STK32B: variants seen among roughly 807,000 people sequenced by gnomAD.
The protein encoded by STK32B is serine/threonine kinase 32B.
Under a neutral mutation model 52.6 loss-of-function variants are expected in STK32B, and 43 were observed. That is an observed-to-expected ratio of 0.82 (90% confidence interval 0.64 to 1.05). The LOEUF (loss-of-function observed/expected upper bound fraction) is 1.05. Ranked by LOEUF, STK32B falls within the 50% of genes least tolerant of loss-of-function variation. The pLI is 0.00. For missense variants in STK32B, 621 were observed against 534.6 expected, an observed-to-expected ratio of 1.16 and a Z score of -1.59; for synonymous variants, 238 against 204.3, an observed-to-expected ratio of 1.17 and a Z score of -1.41.
chr4:5,414,564 G>C (rs1376955569), intron 5 of STK32B, among the ~76,000 whole-genome samples: 1 of 152,182 alleles, frequency 6.6e-6, no homozygotes, highest in Non-Finnish European at 1.5e-5. Flanking sequence ...GGGGAGCACT[G>C]TGGGTATATA....
At chr4:5,195,771 C>T (rs1480061957) in intron 3 of STK32B, among the ~76,000 whole-genome samples, 2 of 152,200 alleles carry the variant, frequency 1.3e-5, no homozygotes, top group Non-Finnish European at 2.9e-5. Context: ...GAAGGCTTAA[C>T]AACATCACAG....
At chr4:5,110,596 A>T (rs1460017859) in intron 1 of STK32B, among the ~76,000 whole-genome samples, 7 of 152,170 alleles carry the variant, frequency 4.6e-5, no homozygotes, top group African/African-American at 1.7e-4. Context: ...CTTACCATAT[A>T]CAAAAGTTAA....
chr4:5,323,748 T>C (rs1052366795), intron 3 of STK32B, among the ~76,000 whole-genome samples: 1 of 152,176 alleles, frequency 6.6e-6, no homozygotes, highest in African/African-American at 2.4e-5. Context: ...TGCTCCTGGC[T>C]ATGTGCTAAA....
chr4:5,068,549 TGTG>T (rs976535319), intron 1 of STK32B, among the ~76,000 whole-genome samples: 2 of 152,132 alleles, frequency 1.3e-5, no homozygotes, highest in Non-Finnish European at 2.9e-5. Flanking sequence ...GTGACATAAT[TGTG>T]GTGCTTGGTC....
chr4:5,184,094 A>G (rs1290294049), intron 3 of STK32B, among the ~76,000 whole-genome samples: 1 of 152,206 alleles, frequency 6.6e-6, no homozygotes, highest in African/African-American at 2.4e-5. Context: ...GAACTTGGCT[A>G]ACTGCTCGGC....
chr4:5,056,755 T>C (rs1035316260), intron 1 of STK32B, among the ~76,000 whole-genome samples: 3 of 152,232 alleles, frequency 2.0e-5, no homozygotes, highest in African/African-American at 7.2e-5. Flanking sequence ...GAGGCTCTAA[T>C]TGGCTGGACT....
At chr4:5,021,818 C>T in the STK32B span, among the ~76,000 whole-genome samples, 1 of 152,138 alleles carries the variant, frequency 6.6e-6, no homozygotes, top group African/African-American at 2.4e-5. Flanking sequence ...GTGGCTGTAG[C>T]CATAAGCTGT....
In STK32B at chr4:5,469,441, C is replaced by T. The variant is rs115318309; in HGVS notation, c.1106+1371C>T. On this transcript the variant is annotated intron_variant, in intron 11 of 11. Transcript: ENST00000282908. This position sits in a 1 kb window ranked among gnomAD's most constrained non-coding sequence, Gnocchi z 4.7. ...GTCCTAAGGGACATGTAGGGGAAAA[C>T]GCGGCATTCCAGGAGTAGGAAAAGT... Among the ~76,000 whole-genome samples, 10 of 152,122 alleles carry T rather than the reference C, an allele frequency of 6.6e-5. No homozygotes were observed. The East Asian group carries it at 7.7e-4, about 12-fold the overall frequency.
intron 4 of STK32B, among the ~76,000 whole-genome samples, chr4:5,382,753 C>G (rs553301681): frequency 1.2e-4 from 19 of 152,322 alleles, no homozygotes; most frequent in Non-Finnish European, 2.5e-4. Flanking sequence ...TAAGCTTTCA[C>G]CATATGCCAA....
Position 5,467,904 on chromosome 4 carries a change from G to A in STK32B, c.1042-102G>A, listed in dbSNP as rs1717566768. On this transcript the variant is annotated intron_variant, in intron 10 of 11. Transcript: ENST00000282908. The surrounding 1 kb of genome is among the most constrained non-coding windows in gnomAD (Gnocchi z 5.8). ...TGGCTTGTCCCGGTCCCAAGCATCTGAGGTTTCCATCTAGGTCAGTCTGCC... is the reference window on the plus strand; with the variant it reads ...TGGCTTGTCCCGGTCCCAAGCATCTAAGGTTTCCATCTAGGTCAGTCTGCC... 1 of 1,327,888 alleles carries A rather than the reference G, an allele frequency of 7.5e-7. No individual in the cohort carries two copies. The highest frequency in any genetic ancestry group is 1.1e-6 in the Non-Finnish European group (1 of 928,882). 82.3% of individuals were successfully genotyped at this position (1,327,888 alleles called of 1,614,324 possible).
chr4:5,074,037 A>G lies in STK32B; in HGVS notation c.52+22122A>G, dbSNP rs1227580624. The stretch of plus-strand genomic sequence containing the variant: ...AAGACTTTCAGCCAATATTTTTTCT[A>G]TTTTCTACCACATTCTCTCTCTCCT... On this transcript the variant is annotated intron_variant, in intron 1 of 11. Coordinates refer to ENST00000282908, the MANE Select transcript of STK32B (RefSeq NM_018401.3). Among the ~76,000 whole-genome samples the G allele has an allele frequency of 3.3e-5, 5 of 151,254 alleles. No homozygotes were observed. In the South Asian group the frequency reaches 1.0e-3, roughly 31 times the overall value.
chr4:5,443,313 C>G (rs1432792777), intron 6 of STK32B, among the ~76,000 whole-genome samples: 1 of 151,026 alleles, frequency 6.6e-6, no homozygotes, highest in Non-Finnish European at 1.5e-5. Context: ...TCTTTTTATT[C>G]TTTTTTCTCT....
chr4:5,353,482 A>G (rs1239837558), intron 4 of STK32B, among the ~76,000 whole-genome samples: 2 of 152,008 alleles, frequency 1.3e-5, no homozygotes, highest in East Asian at 3.9e-4. Flanking sequence ...ATGGGAGAAA[A>G]TATTTGTAAA....
intron 8 of STK32B, among the ~76,000 whole-genome samples, chr4:5,458,299 G>GCA (rs1475626480): frequency 5.9e-5 from 9 of 151,990 alleles, no homozygotes; most frequent in African/African-American, 1.9e-4. Flanking sequence ...GCTGAGTCTT[G>GCA]TGTGAGGTTG....
At position 5,385,094 on chromosome 4, in the gene STK32B, G is replaced by A. The variant is rs531851925; in HGVS notation, c.435-13113G>A. Among the ~76,000 whole-genome samples the A allele has an allele frequency of 5.3e-5, 8 of 152,258 alleles. No individual in the cohort carries two copies. The South Asian group carries it at 1.5e-3, about 28-fold the overall frequency. ...AACAAGGAAGGAAGAGACGGGTGAC[G>A]TGATGGCCCCAGCTCTAAAGATGGT... On this transcript the variant is annotated intron_variant, in intron 4 of 11. Coordinates refer to ENST00000282908, the MANE Select transcript of STK32B (RefSeq NM_018401.3).
chr4:5,472,879 C>T (rs183070814), intron 11 of STK32B, among the ~76,000 whole-genome samples: 1 of 152,200 alleles, frequency 6.6e-6, no homozygotes, highest in Non-Finnish European at 1.5e-5. Flanking sequence ...TGACTGTTGA[C>T]ATCAATTCTT....
chr4:5,157,105 A>G (rs1487151336), intron 2 of STK32B, among the ~76,000 whole-genome samples: 2 of 152,180 alleles, frequency 1.3e-5, no homozygotes, highest in Non-Finnish European at 2.9e-5. Context: ...GTAAGGTTCA[A>G]TGTTCAAAAG....
In STK32B at chr4:5,373,138, G is replaced by A. The variant is rs578261465; in HGVS notation, c.435-25069G>A. On this transcript the variant is annotated intron_variant, in intron 4 of 11. Coordinates refer to ENST00000282908, the MANE Select transcript of STK32B (RefSeq NM_018401.3). ...AAGTGGGACTCAAACAGAAAACAGA[G>A]TAAGGAAAGGATGCTCTGGTTTCTA... 1.7e-3 allele frequency among the ~76,000 whole-genome samples: 259 copies of A among 152,286 alleles called. 1 individual carries two copies. Among genetic ancestry groups the A allele is most frequent in the African/African-American group, 5.1e-3 (212 of 41,564 alleles).
intron 3 of STK32B, among the ~76,000 whole-genome samples, chr4:5,270,668 T>C (rs975704963): frequency 6.6e-6 from 1 of 152,184 alleles, no homozygotes; most frequent in Non-Finnish European, 1.5e-5. Flanking sequence ...CTCTCACTAC[T>C]TTCAGTAAAC....
Sources: gnomAD v4.1 joint callset for allele counts (sites outside exome capture counted in the v4.1 genomes callset) on GRCh38, gnomAD v4.1.1 for gene constraint, Gnocchi (gnomAD v3.1) non-coding constraint, MANE v1.5 for transcripts, NCBI Gene and HGNC (gene_info 2026-07-23, HGNC 2026-07-21) for gene names.